Variants in GRIK2 observed in about 807,000 individuals in gnomAD.
GRIK2 encodes glutamate receptor ionotropic, kainate 2.
In GRIK2, 32 loss-of-function variants were observed where a neutral mutation model predicts 100.3. The observed-to-expected ratio is 0.32, with a 90% CI of 0.24 to 0.43. GRIK2 has a LOEUF of 0.43. Ranked by LOEUF, GRIK2 falls within the 20% of genes least tolerant of loss-of-function variation. GRIK2 has a pLI of 1.00. For missense variants in GRIK2, 843 were observed against 1,114.9 expected (o/e 0.76, Z 3.47); for synonymous variants, 417 against 389.4 (o/e 1.07, Z -0.83).
intron 2 of GRIK2, among the ~76,000 whole-genome samples, chr6:101,576,521 A>C (rs1351409482): frequency 6.6e-6 from 1 of 151,990 alleles, no homozygotes; most frequent in Non-Finnish European, 1.5e-5. Context: ...AGTATGATCC[A>C]CCCTGGCATT....
chr6:101,608,721 C>T (rs987307066), intron 2 of GRIK2, among the ~76,000 whole-genome samples: 4 of 151,442 alleles, frequency 2.6e-5, no homozygotes, highest in African/African-American at 9.7e-5. Context: ...TATAAATATG[C>T]AGTTCACTTC....
At chr6:101,778,346 T>C (rs531232999) in intron 7 of GRIK2, among the ~76,000 whole-genome samples, 1 of 152,166 alleles carries the variant, frequency 6.6e-6, no homozygotes, top group Non-Finnish European at 1.5e-5. Context: ...AATAGATGTA[T>C]GAGAGTAAAA....
intron 14 of GRIK2, among the ~76,000 whole-genome samples, chr6:102,027,924 T>C (rs1010729579): frequency 6.6e-6 from 1 of 151,080 alleles, no homozygotes; most frequent in African/African-American, 2.4e-5. Flanking sequence ...GGTTCAAGAG[T>C]AAACCTTACC....
At chr6:102,028,472 A>G (rs1769817881) in intron 14 of GRIK2, among the ~76,000 whole-genome samples, 1 of 151,308 alleles carries the variant, frequency 6.6e-6, no homozygotes, top group Non-Finnish European at 1.5e-5. Flanking sequence ...AATATAACAT[A>G]GAAAAATAAG....
intron 7 of GRIK2, among the ~76,000 whole-genome samples, chr6:101,726,592 A>G (rs921155304): frequency 7.2e-5 from 11 of 152,024 alleles, no homozygotes; most frequent in African/African-American, 2.4e-4. Flanking sequence ...GAAGACAGGT[A>G]GAAAGTAGAA....
At chr6:102,009,405 A>T (rs1562108119) in intron 14 of GRIK2, among the ~76,000 whole-genome samples, 1 of 152,116 alleles carries the variant, frequency 6.6e-6, no homozygotes, top group Non-Finnish European at 1.5e-5. Context: ...TAATTCTGTA[A>T]CATTACTTGT....
chr6:101,500,959 A>AG (rs1773718559), intron 2 of GRIK2, among the ~76,000 whole-genome samples: 1 of 133,852 alleles, frequency 7.5e-6, no homozygotes, highest in Non-Finnish European at 1.6e-5. Context: ...ATTAATATTA[A>AG]CAGTACTTCA....
At chr6:101,478,614 T>C (rs1245591880) in intron 2 of GRIK2, among the ~76,000 whole-genome samples, 4 of 150,332 alleles carry the variant, frequency 2.7e-5, no homozygotes, top group South Asian at 2.1e-4. Context: ...CCCGGGTTCA[T>C]GCCATTCTCC....
intron 2 of GRIK2, among the ~76,000 whole-genome samples, chr6:101,563,946 A>G (rs9498620): frequency 0.18 from 26,892 of 152,130 alleles, 2,588 homozygotes; most frequent in Middle Eastern, 0.29. Context: ...ATTTAATAGA[A>G]GAGATGTAAT....
chr6:101,928,818 T>C (rs1790077181), intron 14 of GRIK2, among the ~76,000 whole-genome samples, 186 bp downstream of exon 14: 1 of 152,188 alleles, frequency 6.6e-6, no homozygotes, highest in Non-Finnish European at 1.5e-5. Flanking sequence ...CATTTTAATC[T>C]CTGAAAATGC....
At chr6:101,773,163 A>G (rs1452631573) in intron 7 of GRIK2, among the ~76,000 whole-genome samples, 1 of 152,190 alleles carries the variant, frequency 6.6e-6, no homozygotes, top group Non-Finnish European at 1.5e-5. Flanking sequence ...TATTTTCAAA[A>G]TAGGAAACAT....
chr6:101,478,604 C>T (rs1772374643), intron 2 of GRIK2, among the ~76,000 whole-genome samples: 1 of 151,190 alleles, frequency 6.6e-6, no homozygotes, highest in East Asian at 1.9e-4. Flanking sequence ...ACCTCTGCCT[C>T]CCGGGTTCAT....
chr6:101,598,608 A>AG (rs34005516), intron 2 of GRIK2, among the ~76,000 whole-genome samples: 21,309 of 142,166 alleles, frequency 0.15, 1,156 homozygotes, highest in African/African-American at 0.24. Flanking sequence ...AAAAAAAAAA[A>AG]AAAGAAAGAA....
rs2114426632 is a variant in GRIK2 at position 102,035,333 on chromosome 6, T to A, written c.2086-8T>A. ...TTCTCGTGACCAACTTATATTTATTTTCTTCAGAAATCAAAAATCTCCACG... is the reference window on the plus strand; with the variant it reads ...TTCTCGTGACCAACTTATATTTATTATCTTCAGAAATCAAAAATCTCCACG... On this transcript the variant is annotated splice_region_variant and splice_polypyrimidine_tract_variant and intron_variant, in intron 14 of 16. Coordinates refer to ENST00000369134, the MANE Select transcript of GRIK2 (RefSeq NM_021956.5). 6.5e-7 allele frequency: 1 copy of A among 1,544,030 alleles called. No homozygotes were observed. Among genetic ancestry groups the A allele is most frequent in the Non-Finnish European group, 8.9e-7 (1 of 1,120,184 alleles).
intron 15 of GRIK2, among the ~76,000 whole-genome samples, chr6:102,045,350 T>G (rs906687448): frequency 6.6e-6 from 1 of 152,150 alleles, no homozygotes; most frequent in Non-Finnish European, 1.5e-5. Flanking sequence ...CTTCTTTTAC[T>G]TTTGCTACCT....
intron 2 of GRIK2, among the ~76,000 whole-genome samples, chr6:101,619,371 A>C (rs1192673905): frequency 6.6e-6 from 1 of 151,866 alleles, no homozygotes; most frequent in East Asian, 1.9e-4. Context: ...GGAAATAAAA[A>C]GATTTCTTTA....
chr6:101,827,825 G>A (rs573507536), intron 10 of GRIK2, among the ~76,000 whole-genome samples: 2 of 151,952 alleles, frequency 1.3e-5, no homozygotes, highest in South Asian at 2.1e-4. Flanking sequence ...ACAGCTACAC[G>A]ATAGTAGTGA....
rs778376126 is a variant in GRIK2 at position 101,686,150 on chromosome 6, A to G, written c.778-30A>G. ...ATGCCTGTGAAGATACTCTGTCCATAATAACAACACAATAACATTTGTCTT... is the reference window on the plus strand; with the variant it reads ...ATGCCTGTGAAGATACTCTGTCCATGATAACAACACAATAACATTTGTCTT... On this transcript the variant is annotated intron_variant, in intron 6 of 16. Transcript: ENST00000369134. The G allele has an allele frequency of 5.7e-6, 9 of 1,588,452 alleles. No homozygotes were observed. The East Asian group carries it at 2.0e-4, about 36-fold the overall frequency.
intron 2 of GRIK2, among the ~76,000 whole-genome samples, chr6:101,477,219 C>A (rs1439569774): frequency 6.6e-6 from 1 of 152,046 alleles, no homozygotes; most frequent in Non-Finnish European, 1.5e-5. Flanking sequence ...CTTACAGGGG[C>A]AGTTTTGGGT....
Sources: allele counts gnomAD v4.1 joint callset (sites outside exome capture counted in the v4.1 genomes callset), GRCh38; gene constraint gnomAD v4.1.1; transcripts MANE v1.5; gene names NCBI Gene and HGNC (gene_info 2026-07-23, HGNC 2026-07-21).